SNX14: variants seen among roughly 807,000 people sequenced by gnomAD.
The protein encoded by SNX14 is sorting nexin-14.
In SNX14, 93 loss-of-function variants were observed where a neutral mutation model predicts 133.8. That is an observed-to-expected ratio of 0.70 (90% CI 0.59 to 0.83). SNX14 has a LOEUF of 0.83. Ranked by LOEUF, SNX14 falls within the 40% of genes least tolerant of loss-of-function variation. The probability of loss-of-function intolerance (pLI) is 0.00; values close to 1 mark genes in which losing one functional copy is unlikely to be tolerated. For missense variants in SNX14, 945 were observed against 1,094.9 expected (o/e 0.86, Z 1.93); for synonymous variants, 368 against 365.6 (o/e 1.01, Z -0.07).
In SNX14 at chr6:85,572,157, C is replaced by T. The variant is rs752628199; in HGVS notation, c.397G>A (p.Val133Ile). The T allele has an allele frequency of 4.3e-6, 7 of 1,613,426 alleles. No individual in the cohort carries two copies. Among genetic ancestry groups the T allele is most frequent in the Non-Finnish European group, 8.5e-7 (1 of 1,179,864 alleles). ...PWLDLKISSKVDASLSEVLEL... is the reference protein window; with the variant it reads ...PWLDLKISSKIDASLSEVLEL... ...GTTACCTCTGAGAGAGATGCATCAA[C>T]CTTGGAAGAAATTTTCAGGTCTAGC... The change falls in exon 4 of 29, where the codon GTT becomes ATT. Residue 133 changes from valine (V) to isoleucine (I), a missense_variant. Physicochemically the swap from Val to Ile is conservative, Grantham distance 29. Around this residue, in one of 3 missense-constraint regions of SNX14, gnomAD observed 514 missense variants for 538.8 expected, o/e 0.95. Coordinates refer to ENST00000314673, the MANE Select transcript of SNX14 (RefSeq NM_153816.6).
At chr6:85,551,417 G>T (rs1253110963) in intron 7 of SNX14, among the ~76,000 whole-genome samples, 3 of 152,124 alleles carry the variant, frequency 2.0e-5, no homozygotes, top group Admixed American at 1.3e-4. Context: ...TTGGGGCCTG[G>T]AAACCAACCA....
At chr6:85,588,936 G>A in intron 1 of SNX14, 2 of 454,724 alleles carry the variant, frequency 4.4e-6, no homozygotes, top group South Asian at 1.6e-5. Context: ...GAAGAGGAGG[G>A]GTTGGTCTTG....
intron 21 of SNX14, among the ~76,000 whole-genome samples, chr6:85,521,177 T>G (rs1001876323): frequency 6.6e-6 from 1 of 152,206 alleles, no homozygotes; most frequent in African/African-American, 2.4e-5. Context: ...ATTAATAAAA[T>G]TAGGCACCTT....
chr6:85,568,458 A>T lies in SNX14; in HGVS notation c.418-881T>A, dbSNP rs2128179845. The T allele has an allele frequency of 1.3e-5, 2 of 152,378 alleles. 1 individual carries two copies. Among genetic ancestry groups the T allele is most frequent in the South Asian group, 4.1e-4 (2 of 4,832 alleles). The allele number at this position is 152,378 out of a possible 1,614,324, so 9.4% of individuals were successfully genotyped here. A position where few individuals can be genotyped will look rare whatever the true frequency, so the allele number is the denominator to read the frequency against. On this transcript the variant is annotated intron_variant, in intron 4 of 28. Coordinates refer to ENST00000314673, the MANE Select transcript of SNX14 (RefSeq NM_153816.6). ...TGATCTGAATGCTGGTTACACACAT[A>T]TGTTCGCTTTGCGAAAATTTTACCT...
chr6:85,522,771 A>C (rs1396153784), intron 21 of SNX14, among the ~76,000 whole-genome samples: 1 of 152,170 alleles, frequency 6.6e-6, no homozygotes, highest in Admixed American at 6.5e-5. Flanking sequence ...ATCATGACAC[A>C]TTCGGCCATA....
chr6:85,541,056 C>T (rs558228421), intron 15 of SNX14, among the ~76,000 whole-genome samples: 1 of 150,390 alleles, frequency 6.6e-6, no homozygotes, highest in East Asian at 1.9e-4. Flanking sequence ...TGCAGTAGCA[C>T]GATCTTGGCT....
chr6:85,560,954 A>G (rs1791341719), intron 6 of SNX14, among the ~76,000 whole-genome samples: 1 of 151,414 alleles, frequency 6.6e-6, no homozygotes, highest in Non-Finnish European at 1.5e-5. Flanking sequence ...GAATCGCTTG[A>G]ACCTGGGAGG....
At chr6:85,571,132 C>A (rs535873431) in intron 4 of SNX14, among the ~76,000 whole-genome samples, 6 of 152,050 alleles carry the variant, frequency 3.9e-5, no homozygotes, top group Non-Finnish European at 5.9e-5. Flanking sequence ...GTGGGTGGAT[C>A]ACGAGGTCAG....
intron 26 of SNX14, 160 bp from the exon 27 acceptor site, chr6:85,508,219 A>G (rs1436450644): frequency 1.5e-6 from 2 of 1,308,692 alleles, no homozygotes; most frequent in African/African-American, 3.0e-5. Context: ...CTCCTGGATA[A>G]GAGGTTTCTA....
At chr6:85,537,608 T>C (rs938600108) in intron 16 of SNX14, among the ~76,000 whole-genome samples, 13 of 152,322 alleles carry the variant, frequency 8.5e-5, no homozygotes, top group Middle Eastern at 3.4e-3. Flanking sequence ...GTTAGCCTGC[T>C]ACCCAATGTT....
At chr6:85,551,773 T>C (rs1318143883) in intron 7 of SNX14, among the ~76,000 whole-genome samples, 1 of 152,182 alleles carries the variant, frequency 6.6e-6, no homozygotes, top group African/African-American at 2.4e-5. Flanking sequence ...TTCTGCCCCA[T>C]GCAGAGGACA....
At chr6:85,524,139 A>ATG (rs1777808205) in intron 21 of SNX14, among the ~76,000 whole-genome samples, 1 of 150,868 alleles carries the variant, frequency 6.6e-6, no homozygotes, top group Non-Finnish European at 1.5e-5. Flanking sequence ...CCAAGATGGC[A>ATG]CCACTGCACT....
At chr6:85,526,022 C>A in intron 21 of SNX14, 104 bp downstream of exon 21, 1 of 634,628 alleles carries the variant, frequency 1.6e-6, no homozygotes, top group Non-Finnish European at 2.6e-6. Flanking sequence ...AATAAGGGCC[C>A]TCGGAGTTTA....
intron 1 of SNX14, 114 bp from the exon 2 acceptor site, chr6:85,574,492 AT>A: frequency 1.5e-6 from 1 of 647,458 alleles, no homozygotes; most frequent in Non-Finnish European, 2.4e-6. Flanking sequence ...GATTGAAGCA[AT>A]TTTTCAAATT....
At chr6:85,591,599 A>G (rs1314084491) in intron 1 of SNX14, among the ~76,000 whole-genome samples, 3 of 152,196 alleles carry the variant, frequency 2.0e-5, no homozygotes, top group South Asian at 2.1e-4. Flanking sequence ...TGTTATGACC[A>G]TAAGTAGATG....
chr6:85,529,241 C>A (rs1190608530), intron 19 of SNX14, among the ~76,000 whole-genome samples: 1 of 151,410 alleles, frequency 6.6e-6, no homozygotes, highest in Non-Finnish European at 1.5e-5. Flanking sequence ...CACTGCACTG[C>A]AGCCTGAGCA....
chr6:85,516,268 A>G (rs1305656782), intron 23 of SNX14, among the ~76,000 whole-genome samples: 1 of 151,336 alleles, frequency 6.6e-6, no homozygotes, highest in Non-Finnish European at 1.5e-5. Context: ...ACTTATGTAA[A>G]CAATATTTTA....
At chr6:85,558,728 G>A (rs1047872880) in intron 6 of SNX14, among the ~76,000 whole-genome samples, 1 of 152,050 alleles carries the variant, frequency 6.6e-6, no homozygotes, top group Non-Finnish European at 1.5e-5. Flanking sequence ...CCTCCCAACA[G>A]CCTCCCAAAG....
At chr6:85,593,550 G>T (rs771947068) in intron 1 of SNX14, 29 bp downstream of exon 1, 95 of 1,589,676 alleles carry the variant, frequency 6.0e-5, no homozygotes, top group Admixed American at 3.2e-4. Context: ...GAGAAAAGCC[G>T]CCGCCCAGGC....
Sources: gnomAD v4.1 joint callset for allele counts (sites outside exome capture counted in the v4.1 genomes callset) on GRCh38, gnomAD v4.1.1 for gene constraint, gnomAD v4.1.1 regional missense constraint, MANE v1.5 for transcripts, NCBI Gene and HGNC (gene_info 2026-07-23, HGNC 2026-07-21) for gene names.